EYS: variants seen among roughly 807,000 people sequenced by gnomAD.
EYS encodes the protein protein eyes shut homolog.
Under a neutral mutation model 282.1 loss-of-function variants are expected in EYS, and 250 were observed. The ratio of observed to expected loss-of-function variants is 0.89; its 90% CI spans 0.80 to 0.98. The LOEUF (loss-of-function observed/expected upper bound fraction) is 0.98. Among genes scored for constraint, EYS ranks in the 50% least tolerant of loss-of-function variants. EYS has a pLI of 0.00. For synonymous variants in EYS, 1,355 were observed against 1,282.9 expected (o/e 1.06, Z -1.20); for missense variants, 4,016 against 3,709.0 (o/e 1.08, Z -2.15).
chr6:65,706,176 T>C (rs926718175), intron 1 of EYS, among the ~76,000 whole-genome samples: 4 of 150,830 alleles, frequency 2.7e-5, no homozygotes, highest in African/African-American at 9.8e-5. Context: ...TCATATGATA[T>C]AGATGATATG....
intron 5 of EYS, among the ~76,000 whole-genome samples, chr6:65,427,409 A>ACTAT (rs56314490): frequency 0.2 from 30,135 of 151,852 alleles, 3,726 homozygotes; most frequent in Non-Finnish European, 0.26. Flanking sequence ...ATATGCATTG[A>ACTAT]CTATCTCATG....
chr6:64,042,983 A>G (rs1049182114), intron 33 of EYS, among the ~76,000 whole-genome samples: 7 of 152,122 alleles, frequency 4.6e-5, no homozygotes, highest in African/African-American at 1.7e-4. Context: ...GTGACCTTGG[A>G]CAAGTTATTT....
chr6:64,506,908 T>TAAAAAAAAAAATAAAA (rs1777226139), intron 26 of EYS, among the ~76,000 whole-genome samples: 2 of 97,824 alleles, frequency 2.0e-5, no homozygotes, highest in South Asian at 6.6e-4. Flanking sequence ...GGCTGTGTCT[T>TAAAAAAAAAAATAAAA]AAAAAAAAAA....
chr6:65,292,040 A>T (rs1768541220), intron 12 of EYS, among the ~76,000 whole-genome samples: 1 of 151,678 alleles, frequency 6.6e-6, no homozygotes, highest in Non-Finnish European at 1.5e-5. Context: ...CCAACAAAAA[A>T]ACATAGTGAA....
intron 26 of EYS, among the ~76,000 whole-genome samples, chr6:64,552,785 G>A (rs1207750115): frequency 2.7e-5 from 4 of 150,572 alleles, no homozygotes; most frequent in African/African-American, 7.4e-5. Context: ...CAGGCATGGT[G>A]GCGCATGCCT....
chr6:65,390,663 C>A (rs940057283), intron 7 of EYS, among the ~76,000 whole-genome samples: 1 of 151,812 alleles, frequency 6.6e-6, no homozygotes, highest in Non-Finnish European at 1.5e-5. Flanking sequence ...GCAGGAGGAT[C>A]GCTTGACTCC....
At chr6:64,701,274 G>T (rs555444029) in intron 22 of EYS, among the ~76,000 whole-genome samples, 1 of 152,168 alleles carries the variant, frequency 6.6e-6, no homozygotes, top group Non-Finnish European at 1.5e-5. Flanking sequence ...AATACTAAAA[G>T]AAAACTTAAA....
intron 14 of EYS, among the ~76,000 whole-genome samples, chr6:64,965,930 C>A (rs1770080251): frequency 6.7e-6 from 1 of 149,330 alleles, no homozygotes; most frequent in African/African-American, 2.5e-5. Flanking sequence ...TGTTTGGTTG[C>A]CTAATAGCTG....
intron 35 of EYS, among the ~76,000 whole-genome samples, chr6:63,889,018 A>G (rs1383846256): frequency 6.6e-6 from 1 of 152,206 alleles, no homozygotes; most frequent in Admixed American, 6.5e-5. Context: ...AGCCGAATTG[A>G]TCAAGTGGAA....
At chr6:65,442,611 G>A (rs2150393589) in intron 5 of EYS, among the ~76,000 whole-genome samples, 1 of 151,772 alleles carries the variant, frequency 6.6e-6, no homozygotes, top group African/African-American at 2.4e-5. Context: ...AAAATTAGCA[G>A]GGCTTAGTGG....
At chr6:65,294,660 T>C (rs140385375) in intron 12 of EYS, among the ~76,000 whole-genome samples, 308 of 151,978 alleles carry the variant, frequency 2.0e-3, no homozygotes, top group African/African-American at 7.2e-3. Flanking sequence ...GCAAAAGGAT[T>C]ATGGCAAATT....
chr6:63,950,643 C>G (rs1582017112), intron 35 of EYS, among the ~76,000 whole-genome samples: 1 of 152,190 alleles, frequency 6.6e-6, no homozygotes, highest in East Asian at 1.9e-4. Flanking sequence ...GATCAATCCC[C>G]TGTCCTCCTG....
intron 30 of EYS, among the ~76,000 whole-genome samples, chr6:64,245,398 C>A (rs1176432644): frequency 6.7e-6 from 1 of 149,282 alleles, no homozygotes; most frequent in African/African-American, 2.6e-5. Context: ...GCAGCCTCAA[C>A]ATCCTGGCTG....
chr6:65,180,024 C>T (rs184214403), intron 12 of EYS, among the ~76,000 whole-genome samples: 1 of 152,194 alleles, frequency 6.6e-6, no homozygotes, highest in East Asian at 1.9e-4. Flanking sequence ...GCTAAAAAAT[C>T]TCAATAAACT....
intron 1 of EYS, among the ~76,000 whole-genome samples, chr6:65,666,871 C>A (rs1033176186): frequency 7.0e-6 from 1 of 143,610 alleles, no homozygotes; most frequent in Non-Finnish European, 1.5e-5. Flanking sequence ...TTGAAAAATA[C>A]ATAAAAATAA....
rs141500740 is a variant in EYS at position 64,087,030 on chromosome 6, A to T, written c.6425-5028T>A. Among the ~76,000 whole-genome samples, 409 of 152,272 alleles carry T rather than the reference A, an allele frequency of 2.7e-3. 3 individuals are homozygous for T. The highest frequency in any genetic ancestry group is 9.3e-3 in the African/African-American group (386 of 41,574). ...TAGCTAGACACTAGGAGAAGTTTGG[A>T]TATGAATTTGGATACCATTAGTAGA... On this transcript the variant is annotated intron_variant, in intron 31 of 42. Coordinates refer to ENST00000503581, the MANE Select transcript of EYS (RefSeq NM_001142800.2).
At chr6:64,764,381 G>A (rs773450227) in intron 22 of EYS, among the ~76,000 whole-genome samples, 7 of 152,244 alleles carry the variant, frequency 4.6e-5, no homozygotes, top group Non-Finnish European at 1.0e-4. Context: ...ACCCTTTGAA[G>A]CCACAGCCTG....
intron 5 of EYS, among the ~76,000 whole-genome samples, chr6:65,486,688 T>G (rs1343287429): frequency 1.3e-5 from 2 of 152,082 alleles, no homozygotes; most frequent in African/African-American, 4.8e-5. Context: ...AAGGATAAAC[T>G]TACATACTAG....
intron 19 of EYS, among the ~76,000 whole-genome samples, chr6:64,838,124 G>T (rs1412168677): frequency 2.6e-5 from 4 of 151,790 alleles, no homozygotes; most frequent in Non-Finnish European, 4.4e-5. Flanking sequence ...ACACATTGAT[G>T]TATTATTGCT....
Sources: allele counts gnomAD v4.1 joint callset (sites outside exome capture counted in the v4.1 genomes callset), GRCh38; gene constraint gnomAD v4.1.1; transcripts MANE v1.5; gene names NCBI Gene and HGNC (gene_info 2026-07-23, HGNC 2026-07-21).